The following PTPN13 variants were observed in gnomAD, a reference collection of about 807,000 sequenced individuals.
PTPN13 encodes protein tyrosine phosphatase non-receptor type 13.
Under a neutral mutation model 284.0 loss-of-function variants are expected in PTPN13, and 191 were observed. The ratio of observed to expected loss-of-function variants is 0.67; its 90% confidence interval spans 0.60 to 0.76. The LOEUF (loss-of-function observed/expected upper bound fraction) is 0.76. Ranked by LOEUF, PTPN13 falls within the 30% of genes least tolerant of loss-of-function variation. The probability of loss-of-function intolerance (pLI) is 0.00; values close to 1 mark genes in which losing one functional copy is unlikely to be tolerated. For missense variants in PTPN13, 2,797 were observed against 2,939.9 expected (o/e 0.95, Z 1.12); for synonymous variants, 986 against 1,022.3 (o/e 0.96, Z 0.68).
chr4:86,783,061 A>T (rs9994616), intron 37 of PTPN13, among the ~76,000 whole-genome samples: 2,350 of 152,268 alleles, frequency 0.015, 75 homozygotes, highest in African/African-American at 0.054. Context: ...TTGCTCTTTT[A>T]TTAATCCGAA....
chr4:86,616,348 T>C (rs1352422314), intron 1 of PTPN13, among the ~76,000 whole-genome samples: 3 of 152,180 alleles, frequency 2.0e-5, no homozygotes, highest in Admixed American at 6.5e-5. Flanking sequence ...AAGGAAGGCC[T>C]CATAGAGATG....
intron 15 of PTPN13, among the ~76,000 whole-genome samples, chr4:86,737,938 C>G (rs975280332): frequency 2.0e-5 from 3 of 152,150 alleles, no homozygotes; most frequent in African/African-American, 7.2e-5. Flanking sequence ...CCATGTTAGC[C>G]AGGATGGTCT....
At chr4:86,744,225 A>G (rs1736476702) in intron 16 of PTPN13, among the ~76,000 whole-genome samples, 1 of 152,118 alleles carries the variant, frequency 6.6e-6, no homozygotes, top group Non-Finnish European at 1.5e-5. Context: ...ACTTCTATTC[A>G]GCCTTTATGC....
intron 1 of PTPN13, among the ~76,000 whole-genome samples, chr4:86,618,938 G>T (rs1720910772): frequency 6.6e-6 from 1 of 152,022 alleles, no homozygotes; most frequent in African/African-American, 2.4e-5. Context: ...CTGCCTGATT[G>T]CCCCTGGCCA....
intron 6 of PTPN13, among the ~76,000 whole-genome samples, chr4:86,694,440 C>G (rs1224996783): frequency 6.6e-6 from 1 of 151,446 alleles, no homozygotes; most frequent in Non-Finnish European, 1.5e-5. Flanking sequence ...ATTAGCCGGG[C>G]ATGGTGGCAG....
In PTPN13 at chr4:86,616,365, C is replaced by T. The variant is rs368196774; in HGVS notation, c.-5-18887C>T. 2.0e-5 allele frequency among the ~76,000 whole-genome samples: 3 copies of T among 152,200 alleles called. No individual in the cohort carries two copies. The East Asian group carries it at 5.8e-4, about 29-fold the overall frequency. ...GGAAGGCCTCATAGAGATGTTACCT[C>T]ATAGAGATGAGGTAAGAATTGATCA... On this transcript the variant is annotated intron_variant, in intron 1 of 47. Transcript: ENST00000411767.
At chr4:86,713,460 C>A (rs530207601) in intron 7 of PTPN13, among the ~76,000 whole-genome samples, 1 of 151,970 alleles carries the variant, frequency 6.6e-6, no homozygotes, top group African/African-American at 2.4e-5. Flanking sequence ...AAATTACATT[C>A]ATAATGAGCC....
intron 6 of PTPN13, among the ~76,000 whole-genome samples, chr4:86,699,529 G>A (rs189059625): frequency 1.5e-3 from 228 of 152,278 alleles, no homozygotes; most frequent in Middle Eastern, 3.4e-3. Context: ...AGAAAATGTG[G>A]AGAATGAGGA....
intron 19 of PTPN13, among the ~76,000 whole-genome samples, chr4:86,751,446 T>G (rs1481076255): frequency 6.6e-6 from 1 of 152,128 alleles, no homozygotes; most frequent in Non-Finnish European, 1.5e-5. Flanking sequence ...CTCAGCCTCC[T>G]GAATAGCTGT....
At chr4:86,712,877 A>C (rs1259516618) in intron 7 of PTPN13, among the ~76,000 whole-genome samples, 3 of 152,126 alleles carry the variant, frequency 2.0e-5, no homozygotes, top group Admixed American at 2.0e-4. Context: ...AATGAACTGA[A>C]GAAAAAAGAA....
chr4:86,658,847 G>A (rs1726153735), intron 2 of PTPN13, among the ~76,000 whole-genome samples: 1 of 152,064 alleles, frequency 6.6e-6, no homozygotes, highest in Non-Finnish European at 1.5e-5. Context: ...AATGGGATTG[G>A]AAATACAGGA....
In PTPN13 at chr4:86,770,121, G is replaced by C; in HGVS notation, c.4725G>C (p.Arg1575Ser). ...LSQQEVISAL[R>S]GTAPEVFLLL... ...CCCAGGAAGTCATATCTGCTCTCAG[G>C]GGAACTGCTCCAGAAGTATTCTTGC... Residue 1575 changes from arginine (R) to serine (S), a missense_variant, in exon 30 of 48, where the codon AGG becomes AGC. Coordinates refer to ENST00000411767, the MANE Select transcript of PTPN13 (RefSeq NM_080683.3). The C allele has an allele frequency of 6.2e-7, 1 of 1,613,642 alleles. No homozygotes were observed. The highest frequency in any genetic ancestry group is 1.3e-5 in the African/African-American group (1 of 75,022).
intron 9 of PTPN13, among the ~76,000 whole-genome samples, chr4:86,718,575 C>T (rs527657734): frequency 3.9e-5 from 6 of 152,076 alleles, no homozygotes; most frequent in Middle Eastern, 6.8e-3. Flanking sequence ...CTCAGCCTCC[C>T]GAGTAGCTGG....
chr4:86,678,577 C>T (rs1011420049), intron 3 of PTPN13, among the ~76,000 whole-genome samples: 2 of 152,148 alleles, frequency 1.3e-5, no homozygotes, highest in African/African-American at 4.8e-5. Context: ...CTGGAATGTG[C>T]CACAGGCATC....
rs1578628846 is a variant in PTPN13, at chr4:86,771,297, A to C, written c.4930A>C (p.Lys1644Gln). 3.7e-6 allele frequency: 6 copies of C among 1,604,026 alleles called. No homozygotes were observed. In the East Asian group the frequency reaches 1.3e-4, roughly 36 times the overall value. ...EMSDKSKKQC[K>Q]SPSRRDSYSD... is the part of the protein sequence containing the mutation. ...GTCAGACAAAAGCAAAAAACAGTGCAAGTCCCCATCCAGAAGAGACAGTTA... is the reference window on the plus strand; with the variant it reads ...GTCAGACAAAAGCAAAAAACAGTGCCAGTCCCCATCCAGAAGAGACAGTTA... The change falls in exon 31 of 48, where the codon AAG becomes CAG. Residue 1644 changes from lysine to glutamine, a missense_variant. Coordinates refer to ENST00000411767, the MANE Select transcript of PTPN13 (RefSeq NM_080683.3).
intron 1 of PTPN13, chr4:86,595,746 A>G (rs1454218046): frequency 1.0e-6 from 1 of 985,718 alleles, no homozygotes; most frequent in African/African-American, 1.7e-5. Context: ...CAGGACCTGA[A>G]CAAAATGTAG....
At chr4:86,685,755 C>T (rs952923175) in intron 3 of PTPN13, among the ~76,000 whole-genome samples, 10 of 152,208 alleles carry the variant, frequency 6.6e-5, no homozygotes, top group African/African-American at 2.4e-4. Context: ...TGGAAAAACT[C>T]TTACATGTAC....
chr4:86,777,726 G>T (rs936954795), intron 35 of PTPN13, among the ~76,000 whole-genome samples: 3 of 152,114 alleles, frequency 2.0e-5, no homozygotes, highest in African/African-American at 7.2e-5. Flanking sequence ...AATCATTGAT[G>T]ATAAGCTTAT....
intron 42 of PTPN13, among the ~76,000 whole-genome samples, chr4:86,800,950 G>A (rs939864800): frequency 6.6e-6 from 1 of 152,100 alleles, no homozygotes; most frequent in Non-Finnish European, 1.5e-5. Context: ...TAACCTTTTA[G>A]GTGTCTTGTA....
Sources: gnomAD v4.1 joint callset for allele counts (sites outside exome capture counted in the v4.1 genomes callset) on GRCh38, gnomAD v4.1.1 for gene constraint, MANE v1.5 for transcripts, NCBI Gene and HGNC (gene_info 2026-07-23, HGNC 2026-07-21) for gene names.